Variants in OCA2 observed in about 807,000 individuals in gnomAD.
The protein encoded by OCA2 is OCA2 melanosomal transmembrane protein, also known as P protein.
A neutral mutation model predicts 100.2 loss-of-function variants in OCA2; 77 were observed. The ratio of observed to expected loss-of-function variants is 0.77; its 90% CI spans 0.64 to 0.93. The LOEUF (loss-of-function observed/expected upper bound fraction) is 0.93, where lower values mean the gene tolerates loss of function less well. OCA2 is among the 40% of genes least tolerant of loss of function. OCA2 has a pLI of 0.00. For missense variants in OCA2, 1,062 were observed against 1,089.1 expected (o/e 0.98, Z 0.35); for synonymous variants, 432 against 439.2 (o/e 0.98, Z 0.21).
chr15:27,824,247 A>C (rs1659982400), intron 23 of OCA2, among the ~76,000 whole-genome samples: 1 of 152,136 alleles, frequency 6.6e-6, no homozygotes, highest in Admixed American at 6.5e-5. Flanking sequence ...AGGTGCCTGT[A>C]ATCCCAGCTA....
chr15:28,091,661 G>A (rs1034503515), intron 1 of OCA2, among the ~76,000 whole-genome samples: 2 of 152,198 alleles, frequency 1.3e-5, no homozygotes, highest in African/African-American at 2.4e-5. Flanking sequence ...TACCCTAAAA[G>A]TGGAAAGCAC....
At chr15:27,994,256 T>C (rs1172460132) in intron 9 of OCA2, among the ~76,000 whole-genome samples, 1 of 151,876 alleles carries the variant, frequency 6.6e-6, no homozygotes, top group Admixed American at 6.6e-5. Context: ...GGGATCTAGG[T>C]TGCACACTCC....
At chr15:27,939,516 C>T (rs754879123) in intron 18 of OCA2, among the ~76,000 whole-genome samples, 3 of 152,128 alleles carry the variant, frequency 2.0e-5, no homozygotes, top group Non-Finnish European at 4.4e-5. Context: ...TGATGACTTA[C>T]GAGGTTGAGC....
chr15:28,023,735 A>G (rs574395482), intron 5 of OCA2, among the ~76,000 whole-genome samples: 1 of 152,220 alleles, frequency 6.6e-6, no homozygotes, highest in East Asian at 1.9e-4. Flanking sequence ...ACTCACCCAA[A>G]ATAACTCCGC....
intron 21 of OCA2, among the ~76,000 whole-genome samples, chr15:27,864,482 A>T (rs2036248246): frequency 6.6e-6 from 1 of 152,234 alleles, no homozygotes; most frequent in Non-Finnish European, 1.5e-5. Flanking sequence ...TGACTCTCAC[A>T]TCCTCTGAAA....
the OCA2 span, among the ~76,000 whole-genome samples, chr15:27,728,294 A>G: frequency 1.3e-5 from 2 of 152,200 alleles, no homozygotes; most frequent in East Asian, 3.9e-4. Flanking sequence ...GACTGGTCTC[A>G]AGCAGTTTTG....
At chr15:27,985,540 A>G (rs1328654636) in intron 12 of OCA2, among the ~76,000 whole-genome samples, 1 of 152,146 alleles carries the variant, frequency 6.6e-6, no homozygotes, top group Admixed American at 6.5e-5. Flanking sequence ...ATGTGAGCCT[A>G]GTGTCTGCTG....
intron 2 of OCA2, among the ~76,000 whole-genome samples, chr15:28,035,679 T>G (rs183646637): frequency 7.9e-5 from 12 of 152,212 alleles, no homozygotes; most frequent in Non-Finnish European, 2.9e-5. Context: ...CTGACTTCAG[T>G]CTAAGACTGA....
chr15:27,913,893 A>AAG (rs1461797386), intron 19 of OCA2, among the ~76,000 whole-genome samples: 10 of 28,458 alleles, frequency 3.5e-4, no homozygotes, highest in African/African-American at 1.8e-3. Context: ...GAAAGAAAGA[A>AAG]AGCAAGCAAG....
intron 19 of OCA2, among the ~76,000 whole-genome samples, chr15:27,891,893 C>T (rs1032947746): frequency 6.6e-6 from 1 of 151,592 alleles, no homozygotes; most frequent in Non-Finnish European, 1.5e-5. Flanking sequence ...ATATGTTACA[C>T]ACAAAAAAAA....
intron 18 of OCA2, among the ~76,000 whole-genome samples, chr15:27,940,464 C>T (rs971060873): frequency 2.0e-5 from 3 of 152,194 alleles, no homozygotes; most frequent in African/African-American, 7.2e-5. Flanking sequence ...CTCTTCCTTG[C>T]CAAGATGATC....
intron 23 of OCA2, among the ~76,000 whole-genome samples, chr15:27,778,979 C>T (rs1373575933): frequency 6.6e-6 from 1 of 152,172 alleles, no homozygotes; most frequent in Non-Finnish European, 1.5e-5. Flanking sequence ...AGCATTATCC[C>T]TTCATTATGG....
chr15:27,965,543 A>G (rs189828174), intron 15 of OCA2, among the ~76,000 whole-genome samples: 33 of 152,336 alleles, frequency 2.2e-4, no homozygotes, highest in Non-Finnish European at 3.8e-4. Flanking sequence ...GAACTGGAGT[A>G]TGGCAGGACC....
chr15:27,938,791 T>G (rs1439932136), intron 18 of OCA2, among the ~76,000 whole-genome samples: 1 of 152,130 alleles, frequency 6.6e-6, no homozygotes, highest in Non-Finnish European at 1.5e-5. Flanking sequence ...GCTCCCGGGA[T>G]GGACTGAGAG....
intron 19 of OCA2, among the ~76,000 whole-genome samples, chr15:27,893,787 T>C (rs573972315): frequency 1.3e-5 from 2 of 152,208 alleles, no homozygotes; most frequent in Non-Finnish European, 2.9e-5. Context: ...AGACAATACG[T>C]GCACCGCTGA....
intron 2 of OCA2, among the ~76,000 whole-genome samples, chr15:28,080,742 A>G (rs886149420): frequency 3.9e-5 from 6 of 152,246 alleles, no homozygotes; most frequent in African/African-American, 1.4e-4. Context: ...TCTGCCATGT[A>G]ATCGATATGG....
rs41276934 is a variant in OCA2 at position 27,957,517 on chromosome 15, C to T, written c.1784+71G>A. ...TCACGTATTAGTATACAGCTAATGT[C>T]GCTATTTTGTAGGCCCATGGAATGT... is the stretch of plus-strand genomic sequence containing the variant. On this transcript the variant is annotated intron_variant, in intron 16 of 23. Transcript: ENST00000354638. This position sits in a 1 kb window ranked among gnomAD's most constrained non-coding sequence, Gnocchi z 4.3. 93,514 of 1,546,772 alleles carry T rather than the reference C, an allele frequency of 0.06. 3,566 individuals carry two copies. Among genetic ancestry groups the T allele is most frequent in the South Asian group, 0.13 (11,423 of 89,670 alleles).
chr15:27,817,220 C>G (rs985261115), intron 23 of OCA2, among the ~76,000 whole-genome samples: 1 of 152,136 alleles, frequency 6.6e-6, no homozygotes, highest in African/African-American at 2.4e-5. Flanking sequence ...TAAACCATCC[C>G]TATAAGCTTT....
At chr15:27,912,332 C>A (rs1205838179) in intron 19 of OCA2, among the ~76,000 whole-genome samples, 4 of 152,126 alleles carry the variant, frequency 2.6e-5, no homozygotes, top group Admixed American at 2.6e-4. Flanking sequence ...AATGAGAAAT[C>A]TTTTGAGAGG....
Sources: gnomAD v4.1 joint callset for allele counts (sites outside exome capture counted in the v4.1 genomes callset) on GRCh38, gnomAD v4.1.1 for gene constraint, Gnocchi (gnomAD v3.1) non-coding constraint, MANE v1.5 for transcripts, NCBI Gene and HGNC (gene_info 2026-07-23, HGNC 2026-07-21) for gene names.